The following ADGRB3 variants were observed in gnomAD, a reference collection of about 807,000 sequenced individuals.
ADGRB3 encodes the protein adhesion G protein-coupled receptor B3, also known as brain-specific angiogenesis inhibitor 3.
In ADGRB3, 37 loss-of-function variants were observed where a neutral mutation model predicts 193.4. The ratio of observed to expected loss-of-function variants is 0.19; its 90% confidence interval spans 0.15 to 0.25. The LOEUF (loss-of-function observed/expected upper bound fraction) is 0.25. Ranked by LOEUF, ADGRB3 falls within the 10% of genes least tolerant of loss-of-function variation. The pLI is 1.00. For missense variants in ADGRB3, 1,637 were observed against 1,852.9 expected (o/e 0.88, Z 2.14); for synonymous variants, 690 against 644.2 (o/e 1.07, Z -1.08).
At chr6:68,929,489 C>G (rs1333494681) in intron 3 of ADGRB3, among the ~76,000 whole-genome samples, 2 of 152,142 alleles carry the variant, frequency 1.3e-5, no homozygotes, top group Admixed American at 1.3e-4. Context: ...CTTAATTACA[C>G]TATCTGCAGT....
chr6:69,229,893 A>G (rs1766096151), intron 17 of ADGRB3, among the ~76,000 whole-genome samples: 1 of 152,228 alleles, frequency 6.6e-6, no homozygotes, highest in South Asian at 2.1e-4. Flanking sequence ...CTAGAAAGTA[A>G]TAGACTTTGT....
chr6:69,362,806 A>G (rs535657033), intron 29 of ADGRB3, among the ~76,000 whole-genome samples: 19 of 152,100 alleles, frequency 1.2e-4, no homozygotes, highest in African/African-American at 4.3e-4. Flanking sequence ...TTTATTTGTA[A>G]CTTGCATATC....
intron 3 of ADGRB3, among the ~76,000 whole-genome samples, chr6:68,671,022 T>A (rs1768943095): frequency 6.6e-6 from 1 of 152,034 alleles, no homozygotes; most frequent in Admixed American, 6.6e-5. Context: ...GTGTGGTTAT[T>A]GTAAATGGGA....
chr6:69,131,662 A>T (rs1370576650), intron 17 of ADGRB3, among the ~76,000 whole-genome samples: 1 of 152,076 alleles, frequency 6.6e-6, no homozygotes, highest in African/African-American at 2.4e-5. Flanking sequence ...GTTCTGGGAT[A>T]CATGTGCCAA....
intron 17 of ADGRB3, among the ~76,000 whole-genome samples, chr6:69,196,462 A>C (rs192804632): frequency 2.2e-3 from 337 of 152,174 alleles, no homozygotes; most frequent in African/African-American, 7.6e-3. Context: ...TTTGTTTCAT[A>C]AGAGTCCTCT....
At chr6:68,716,504 A>G (rs715294) in intron 3 of ADGRB3, among the ~76,000 whole-genome samples, 62,696 of 150,480 alleles carry the variant, frequency 0.42, 13,387 homozygotes, top group East Asian at 0.64. Flanking sequence ...TAAAATTTGC[A>G]TCACAGCTCA....
intron 20 of ADGRB3, among the ~76,000 whole-genome samples, chr6:69,278,544 T>C (rs903789490): frequency 1.3e-5 from 2 of 152,226 alleles, no homozygotes; most frequent in Non-Finnish European, 2.9e-5. Flanking sequence ...TGAATAGCAT[T>C]GATAGCTAAC....
At chr6:68,981,918 C>T (rs1036878167) in intron 10 of ADGRB3, among the ~76,000 whole-genome samples, 14 of 143,296 alleles carry the variant, frequency 9.8e-5, no homozygotes, top group Non-Finnish European at 1.8e-4. Flanking sequence ...CACTCTATTG[C>T]CCAGGCTAGA....
At chr6:68,869,456 C>A (rs1235433376) in intron 3 of ADGRB3, among the ~76,000 whole-genome samples, 1 of 151,992 alleles carries the variant, frequency 6.6e-6, no homozygotes, top group African/African-American at 2.4e-5. Flanking sequence ...ATTTTCTGGA[C>A]AGAAAAACCT....
At chr6:69,058,055 A>G (rs1362850741) in intron 15 of ADGRB3, among the ~76,000 whole-genome samples, 1 of 151,694 alleles carries the variant, frequency 6.6e-6, no homozygotes, top group African/African-American at 2.4e-5. Flanking sequence ...TCTAGTGAAG[A>G]CTTCTGGTCC....
chr6:68,864,622 CT>C (rs1765241085), intron 3 of ADGRB3, among the ~76,000 whole-genome samples: 1 of 152,112 alleles, frequency 6.6e-6, no homozygotes, highest in South Asian at 2.1e-4. Flanking sequence ...GTGTAACCCC[CT>C]GTTATTTGGA....
At chr6:69,168,923 TA>T (rs1208604317) in intron 17 of ADGRB3, among the ~76,000 whole-genome samples, 1 of 152,150 alleles carries the variant, frequency 6.6e-6, no homozygotes, top group Non-Finnish European at 1.5e-5. Context: ...TTTTTTTTAC[TA>T]ACATCTCAAC....
intron 17 of ADGRB3, among the ~76,000 whole-genome samples, chr6:69,161,822 A>T (rs1205080418): frequency 6.6e-6 from 1 of 152,094 alleles, no homozygotes; most frequent in African/African-American, 2.4e-5. Context: ...TTAACTGAAG[A>T]CTTCCTCAGG....
chr6:68,649,476 A>T (rs1472201711), intron 3 of ADGRB3, among the ~76,000 whole-genome samples: 2 of 152,164 alleles, frequency 1.3e-5, no homozygotes, highest in African/African-American at 4.8e-5. Context: ...CTTAATGTAG[A>T]CTAGTGTCTA....
intron 17 of ADGRB3, among the ~76,000 whole-genome samples, chr6:69,092,224 C>T (rs776194200): frequency 9.2e-5 from 14 of 152,176 alleles, no homozygotes; most frequent in Non-Finnish European, 4.4e-5. Flanking sequence ...ATTCTCTTTA[C>T]CCTTCTTCAA....
intron 23 of ADGRB3, chr6:69,331,822 T>C: frequency 1.0e-6 from 1 of 985,218 alleles, no homozygotes; most frequent in African/African-American, 1.7e-5. Context: ...AGTTGTAGAT[T>C]ACTAGAATCC....
intron 3 of ADGRB3, among the ~76,000 whole-genome samples, chr6:68,758,099 G>A (rs1440899957): frequency 6.6e-6 from 1 of 151,996 alleles, no homozygotes; most frequent in Non-Finnish European, 1.5e-5. Flanking sequence ...TAACCTTAGG[G>A]GAGCTGTTTA....
intron 3 of ADGRB3, among the ~76,000 whole-genome samples, chr6:68,894,953 G>A (rs1766178501): frequency 6.6e-6 from 1 of 151,132 alleles, no homozygotes; most frequent in Non-Finnish European, 1.5e-5. Flanking sequence ...CATGCTTTTG[G>A]TTATCAAAAA....
intron 3 of ADGRB3, among the ~76,000 whole-genome samples, chr6:68,689,207 G>C (rs1765030098): frequency 6.6e-6 from 1 of 152,272 alleles, no homozygotes. Context: ...ATCTGAGCTT[G>C]AAGAGAGCTC....
Sources: gnomAD v4.1 joint callset for allele counts (sites outside exome capture counted in the v4.1 genomes callset) on GRCh38, gnomAD v4.1.1 for gene constraint, MANE v1.5 for transcripts, NCBI Gene and HGNC (gene_info 2026-07-23, HGNC 2026-07-21) for gene names.